Variants in LRPPRC observed in about 807,000 individuals in gnomAD.
The protein encoded by LRPPRC is leucine rich pentatricopeptide repeat containing.
A neutral mutation model predicts 180.3 loss-of-function variants in LRPPRC; 120 were observed. The observed-to-expected ratio is 0.67, with a 90% CI of 0.57 to 0.77. The LOEUF (loss-of-function observed/expected upper bound fraction) is 0.77, where lower values mean the gene tolerates loss of function less well. Among genes scored for constraint, LRPPRC ranks in the 30% least tolerant of loss-of-function variants. LRPPRC has a pLI of 0.00. For missense variants in LRPPRC, 2,012 were observed against 1,657.2 expected, an observed-to-expected ratio of 1.21 and a Z score of -3.72; for synonymous variants, 723 against 600.0, an observed-to-expected ratio of 1.21 and a Z score of -3.00.
intron 32 of LRPPRC, among the ~76,000 whole-genome samples, chr2:43,900,907 G>A (rs903736224): frequency 2.0e-5 from 3 of 152,102 alleles, no homozygotes; most frequent in Non-Finnish European, 2.9e-5. Context: ...GGGTGGGTAA[G>A]GAATATGAAT....
At position 43,943,772 on chromosome 2, in the gene LRPPRC, GTT is replaced by G; in HGVS notation, c.2417_2418del (p.Lys806ThrfsTer4). On this transcript the variant is annotated frameshift_variant, in exon 23 of 38. Transcript: ENST00000260665. LOFTEE classifies it high-confidence loss of function. ...AGAGTCACGATGGCTTCATGCAACT[GTT>G]TTACTGTTTCAATTTCACCTCTTAA... ...AALRGEIETV[K>X]QLHEAIVTLG... 1 of 1,613,460 alleles carries G rather than the reference GTT, an allele frequency of 6.2e-7. No individual in the cohort carries two copies. The highest frequency in any genetic ancestry group is 8.5e-7 in the Non-Finnish European group (1 of 1,179,456).
chr2:43,989,557 G>A (rs1674680206), intron 1 of LRPPRC, among the ~76,000 whole-genome samples: 1 of 152,184 alleles, frequency 6.6e-6, no homozygotes, highest in Non-Finnish European at 1.5e-5. Context: ...ACCTGTGAAA[G>A]TCTTTAAATC....
chr2:43,931,263 C>T (rs1672077836), intron 25 of LRPPRC, among the ~76,000 whole-genome samples: 1 of 152,162 alleles, frequency 6.6e-6, no homozygotes, highest in African/African-American at 2.4e-5. Context: ...ATTCTAACCT[C>T]TTCCCTTGGG....
At chr2:43,974,806 T>C (rs1363486314) in intron 7 of LRPPRC, 48 bp from the exon 8 acceptor site, 1 of 1,563,642 alleles carries the variant, frequency 6.4e-7, no homozygotes, top group Non-Finnish European at 8.8e-7. Flanking sequence ...GTGTTTTTAT[T>C]TAAGTATTAA....
At chr2:43,981,980 T>G (rs1674328997) in intron 2 of LRPPRC, among the ~76,000 whole-genome samples, 1 of 151,220 alleles carries the variant, frequency 6.6e-6, no homozygotes, top group Non-Finnish European at 1.5e-5. Flanking sequence ...CGATCTTAGC[T>G]CACTACAACC....
intron 2 of LRPPRC, among the ~76,000 whole-genome samples, chr2:43,980,970 T>C (rs1224043984): frequency 3.3e-5 from 5 of 152,276 alleles, no homozygotes; most frequent in Middle Eastern, 3.4e-3. Context: ...ATAACTATAG[T>C]AATAATTAAT....
intron 3 of LRPPRC, among the ~76,000 whole-genome samples, chr2:43,979,181 T>G (rs777901020): frequency 2.6e-5 from 4 of 152,106 alleles, no homozygotes; most frequent in Non-Finnish European, 5.9e-5. Flanking sequence ...AAAGGTCAAG[T>G]AAAACCTGTA....
intron 5 of LRPPRC, 34 bp from the exon 6 acceptor site, chr2:43,976,263 T>C (rs1244066192): frequency 2.6e-6 from 3 of 1,170,478 alleles, no homozygotes; most frequent in South Asian, 1.2e-5. Context: ...TCATTGAAAG[T>C]ATTTATAAGA....
rs1046180129 is a variant in LRPPRC at position 43,918,463 on chromosome 2, T to C, written c.2897-65A>G. 5.0e-6 allele frequency: 6 copies of C among 1,189,382 alleles called. No homozygotes were observed. The Admixed American group carries it at 7.0e-5, about 14-fold the overall frequency. The allele number at this position is 1,189,382 out of a possible 1,614,324, so 73.7% of individuals were successfully genotyped here. A position where few individuals can be genotyped will look rare whatever the true frequency, so the allele number is the denominator to read the frequency against. ...GCTAAACAGAATACACAAAAATATTTAGAACTTTTTCTTATTTGATGTTGA... is the reference window on the plus strand; with the variant it reads ...GCTAAACAGAATACACAAAAATATTCAGAACTTTTTCTTATTTGATGTTGA... On this transcript the variant is annotated intron_variant, in intron 27 of 37. Coordinates refer to ENST00000260665, the MANE Select transcript of LRPPRC (RefSeq NM_133259.4).
chr2:43,991,408 GA>G (rs1674775682), intron 1 of LRPPRC, among the ~76,000 whole-genome samples: 1 of 152,092 alleles, frequency 6.6e-6, no homozygotes, highest in Non-Finnish European at 1.5e-5. Flanking sequence ...TCCAACTTTA[GA>G]AATAAAAATC....
At chr2:43,894,290 G>A (rs1018771276) in intron 36 of LRPPRC, among the ~76,000 whole-genome samples, 9 of 152,080 alleles carry the variant, frequency 5.9e-5, no homozygotes, top group African/African-American at 9.7e-5. Flanking sequence ...CAATATACCC[G>A]GACTGCTCGG....
At chr2:43,948,679 G>C (rs1672787269) in intron 16 of LRPPRC, among the ~76,000 whole-genome samples, 161 bp from the exon 17 acceptor site, 1 of 152,084 alleles carries the variant, frequency 6.6e-6, no homozygotes, top group Non-Finnish European at 1.5e-5. Context: ...ATGTGGTTTG[G>C]GAGCACATAT....
rs561487500 is a variant in LRPPRC at position 43,937,141 on chromosome 2, C to T, written c.2505-2263G>A. Among the ~76,000 whole-genome samples, 13 of 152,072 alleles carry T rather than the reference C, an allele frequency of 8.5e-5. No homozygotes were observed. The East Asian group carries it at 2.3e-3, about 27-fold the overall frequency. ...TGAATAATTGTTCTGTCAATCAAAG[C>T]GACACGTTAATAGTCTTTGGTCTCC... is the stretch of plus-strand genomic sequence containing the variant. On this transcript the variant is annotated intron_variant, in intron 23 of 37. Transcript: ENST00000260665.
At position 43,894,544 on chromosome 2, in the gene LRPPRC, C is replaced by G. The variant is rs1282249251; in HGVS notation, c.3985+1G>C. ...ATATAGTCAAATTAAACTTATATTACCATAGCTTTTCATGAGGGAATTGTA... is the reference window on the plus strand; with the variant it reads ...ATATAGTCAAATTAAACTTATATTAGCATAGCTTTTCATGAGGGAATTGTA... On this transcript the variant is annotated splice_donor_variant, in intron 36 of 37. Coordinates refer to ENST00000260665, the MANE Select transcript of LRPPRC (RefSeq NM_133259.4). LOFTEE classifies it high-confidence loss of function. The G allele has an allele frequency of 7.3e-7, 1 of 1,371,290 alleles. No individual in the cohort carries two copies. The highest frequency in any genetic ancestry group is 1.0e-6 in the Non-Finnish European group (1 of 959,248). 84.9% of individuals were successfully genotyped at this position (1,371,290 alleles called of 1,614,324 possible). A position where few individuals can be genotyped will look rare whatever the true frequency, so the allele number is the denominator to read the frequency against.
At chr2:43,981,446 G>A (rs987411212) in intron 2 of LRPPRC, among the ~76,000 whole-genome samples, 6 of 152,142 alleles carry the variant, frequency 3.9e-5, no homozygotes, top group African/African-American at 1.4e-4. Context: ...GGATCACGAG[G>A]TCAGGAGTTC....
chr2:43,987,669 C>T (rs1244066466), intron 1 of LRPPRC, among the ~76,000 whole-genome samples: 1 of 152,070 alleles, frequency 6.6e-6, no homozygotes, highest in Non-Finnish European at 1.5e-5. Flanking sequence ...GTCTGAGGCT[C>T]TTGATGAACT....
intron 16 of LRPPRC, 32 bp from the exon 17 acceptor site, chr2:43,948,550 T>A: frequency 9.6e-7 from 1 of 1,037,850 alleles, no homozygotes. Flanking sequence ...AGCATTCCAC[T>A]AAAATTACCG....
In LRPPRC at chr2:43,946,092, T is replaced by A. The variant is rs748070707; in HGVS notation, c.2210+21A>T. 5 of 1,610,748 alleles carry A rather than the reference T, an allele frequency of 3.1e-6. No individual in the cohort carries two copies. In the East Asian group the frequency reaches 8.9e-5, roughly 29 times the overall value. ...GAGCAGAATAAATGTTGACAACTTG[T>A]TTCAGTGCCAGGGTACTCACAATTC... is the stretch of plus-strand genomic sequence containing the variant. On this transcript the variant is annotated intron_variant, in intron 21 of 37. Transcript: ENST00000260665.
chr2:43,971,485 T>TAAAAAAAAAA (rs528659622), intron 11 of LRPPRC, among the ~76,000 whole-genome samples: 4,012 of 62,220 alleles, frequency 0.064, 657 homozygotes, highest in Middle Eastern at 0.11. Context: ...TGTGTCACAG[T>TAAAAAAAAAA]AAAAAAAAAA....
Sources: allele counts gnomAD v4.1 joint callset (sites outside exome capture counted in the v4.1 genomes callset), GRCh38; gene constraint gnomAD v4.1.1; transcripts MANE v1.5; gene names NCBI Gene and HGNC (gene_info 2026-07-23, HGNC 2026-07-21).